KATNIP: variants seen among roughly 807,000 people sequenced by gnomAD.
KATNIP encodes the protein katanin-interacting protein.
In KATNIP, 126 loss-of-function variants were observed where a neutral mutation model predicts 174.0. That is an observed-to-expected ratio of 0.72 (90% CI 0.63 to 0.84). The LOEUF is 0.84. Among genes scored for constraint, KATNIP ranks in the 40% least tolerant of loss-of-function variants. KATNIP has a pLI of 0.00. For missense variants in KATNIP, 1,958 were observed against 2,109.7 expected (o/e 0.93, Z 1.41); for synonymous variants, 810 against 835.7 (o/e 0.97, Z 0.53).
At chr16:27,746,387 G>A (rs58228272) in intron 15 of KATNIP, among the ~76,000 whole-genome samples, 1,563 of 152,300 alleles carry the variant, frequency 0.01, 26 homozygotes, top group African/African-American at 0.035. Context: ...GTTAAGCCTC[G>A]TGCCTGAGGG....
intron 1 of KATNIP, among the ~76,000 whole-genome samples, chr16:27,563,590 G>A (rs2089971210): frequency 6.6e-6 from 1 of 152,094 alleles, no homozygotes; most frequent in South Asian, 2.1e-4. Context: ...AATATCCCGT[G>A]GGCCAGGCCA....
chr16:27,651,660 C>T (rs1170232640), intron 6 of KATNIP, among the ~76,000 whole-genome samples: 1 of 152,154 alleles, frequency 6.6e-6, no homozygotes, highest in Non-Finnish European at 1.5e-5. Context: ...TTCTGTTGCC[C>T]TCCACCCCGT....
chr16:27,641,060 C>T lies in KATNIP; in HGVS notation c.409-7544C>T, dbSNP rs146863095. Among the ~76,000 whole-genome samples the T allele has an allele frequency of 2.1e-3, 312 of 151,650 alleles. 3 individuals carry two copies. Among genetic ancestry groups the T allele is most frequent in the African/African-American group, 6.6e-3 (274 of 41,324 alleles). On this transcript the variant is annotated intron_variant, in intron 5 of 27. Transcript: ENST00000261588. ...GGCCGAGGCAGGAGAATTGCCTGAA[C>T]GCGGGAGGCAGAGGTTGCAGTGAGC...
intron 1 of KATNIP, among the ~76,000 whole-genome samples, chr16:27,552,655 G>T (rs994916944): frequency 2.8e-5 from 4 of 143,990 alleles, no homozygotes. Flanking sequence ...GATTACAGAC[G>T]TGAGCCACCA....
At chr16:27,611,921 G>C (rs1025532835) in intron 2 of KATNIP, among the ~76,000 whole-genome samples, 1 of 152,174 alleles carries the variant, frequency 6.6e-6, no homozygotes, top group Non-Finnish European at 1.5e-5. Context: ...GAAGTGAGTA[G>C]GGGAGAGAAT....
intron 12 of KATNIP, among the ~76,000 whole-genome samples, chr16:27,707,076 C>T (rs998309827): frequency 2.0e-5 from 3 of 152,182 alleles, no homozygotes; most frequent in African/African-American, 4.8e-5. Context: ...CCTCCCTATC[C>T]GCGTTCCCAC....
chr16:27,772,918 T>C (rs1234490676), intron 22 of KATNIP, among the ~76,000 whole-genome samples, 181 bp from the exon 23 acceptor site: 1 of 151,964 alleles, frequency 6.6e-6, no homozygotes, highest in Non-Finnish European at 1.5e-5. Context: ...TGCACACACA[T>C]GCAATTTAAG....
At chr16:27,762,442 G>A (rs367644636) in intron 19 of KATNIP, among the ~76,000 whole-genome samples, 1 of 152,184 alleles carries the variant, frequency 6.6e-6, no homozygotes, top group Non-Finnish European at 1.5e-5. Flanking sequence ...GGACCATTAT[G>A]AGCCCTACTA....
At chr16:27,603,326 G>C (rs904493114) in intron 2 of KATNIP, among the ~76,000 whole-genome samples, 2 of 152,162 alleles carry the variant, frequency 1.3e-5, no homozygotes, top group African/African-American at 4.8e-5. Context: ...AGGTAATTTA[G>C]TTTGGGGAAG....
At chr16:27,711,060 A>G (rs1219728677) in intron 13 of KATNIP, among the ~76,000 whole-genome samples, 3 of 152,168 alleles carry the variant, frequency 2.0e-5, no homozygotes, top group Non-Finnish European at 4.4e-5. Context: ...AACTGAGTCC[A>G]GCTCAGTTAG....
chr16:27,761,369 C>G (rs2081948678), intron 18 of KATNIP, 44 bp from the exon 19 acceptor site: 3 of 1,555,058 alleles, frequency 1.9e-6, no homozygotes, highest in South Asian at 1.2e-5. Context: ...GATGCCTCCT[C>G]TGGAGCCTCT....
At chr16:27,698,266 G>C in intron 8 of KATNIP, 62 bp from the exon 9 acceptor site, 1 of 1,498,056 alleles carries the variant, frequency 6.7e-7, no homozygotes, top group East Asian at 2.3e-5. Context: ...GGGTCTAATG[G>C]GTTGTGAGCT....
chr16:27,595,080 C>G (rs1386634489), intron 2 of KATNIP, among the ~76,000 whole-genome samples: 1 of 152,064 alleles, frequency 6.6e-6, no homozygotes, highest in Non-Finnish European at 1.5e-5. Context: ...TGGGGTAAGG[C>G]CCAGCGGATA....
Position 27,751,860 on chromosome 16 carries a change from G to A in KATNIP, c.3488G>A (p.Ser1163Asn), listed in dbSNP as rs769167251. The change falls in exon 17 of 28, where the codon AGC (serine) becomes AAC (asparagine). Residue 1163 changes from serine to asparagine, a missense_variant. Transcript: ENST00000261588. ...LQDEEAMRRPSTADGEGDERP... is the reference protein window; with the variant it reads ...LQDEEAMRRPNTADGEGDERP... Reference sequence around the variant, plus strand: ...GATGAAGAGGCAATGAGGAGGCCCAGCACGGCCGACGGCGAGGGGGATGAG... The same window carrying A: ...GATGAAGAGGCAATGAGGAGGCCCAACACGGCCGACGGCGAGGGGGATGAG... 1.2e-5 allele frequency: 20 copies of A among 1,614,028 alleles called. No homozygotes were observed. Among genetic ancestry groups the A allele is most frequent in the Non-Finnish European group, 1.7e-5 (20 of 1,180,028 alleles).
intron 20 of KATNIP, among the ~76,000 whole-genome samples, chr16:27,767,782 T>C (rs2082173209): frequency 1.3e-5 from 2 of 152,154 alleles, no homozygotes; most frequent in African/African-American, 2.4e-5. Flanking sequence ...GCCCTCCCCG[T>C]GTAGCAGGAG....
Position 27,677,983 on chromosome 16 carries a change from C to T in KATNIP, c.795C>T (p.Asn265=). Residue 265 remains asparagine (N), a synonymous_variant, in exon 7 of 28, where the codon AAC becomes AAT. Coordinates refer to ENST00000261588, the MANE Select transcript of KATNIP (RefSeq NM_015202.5). ...ACACCCTCGTGGTGCTGGAATTTAA[C>T]CCAGCTTCCAAAAGTGAGCTCTGTC... ...GPDTLVVLEF[N]PASKSHKRER... The T allele has an allele frequency of 6.2e-7, 1 of 1,613,848 alleles. No homozygotes were observed. The highest frequency in any genetic ancestry group is 8.5e-7 in the Non-Finnish European group (1 of 1,179,726).
At chr16:27,773,426 A>C (rs887864659) in intron 23 of KATNIP, among the ~76,000 whole-genome samples, 5 of 152,172 alleles carry the variant, frequency 3.3e-5, no homozygotes, top group Non-Finnish European at 7.4e-5. Context: ...GAATTCCACA[A>C]ACCAGAGTCC....
At chr16:27,659,984 A>G (rs1388060355) in intron 6 of KATNIP, 2 of 984,620 alleles carry the variant, frequency 2.0e-6, no homozygotes, top group Non-Finnish European at 1.2e-6. Context: ...GGTTTATTTG[A>G]TAGTTTATAT....
chr16:27,752,478 G>T (rs1384192351), intron 17 of KATNIP, among the ~76,000 whole-genome samples: 1 of 152,256 alleles, frequency 6.6e-6, no homozygotes, highest in Non-Finnish European at 1.5e-5. Flanking sequence ...AGGGCACATT[G>T]TGACAGAGAA....
Sources: allele counts gnomAD v4.1 joint callset (sites outside exome capture counted in the v4.1 genomes callset), GRCh38; gene constraint gnomAD v4.1.1; transcripts MANE v1.5; gene names NCBI Gene and HGNC (gene_info 2026-07-23, HGNC 2026-07-21).